Variants in TAFA1 observed in about 807,000 individuals in gnomAD.
TAFA1 encodes the protein TAFA chemokine like family member 1.
TAFA1 carries 4 observed loss-of-function variants against 18.5 expected under a neutral mutation model. That is an observed-to-expected ratio of 0.22 (90% CI 0.11 to 0.49). The LOEUF is 0.49. Among genes scored for constraint, TAFA1 ranks in the 20% least tolerant of loss-of-function variants. The probability of loss-of-function intolerance (pLI) is 0.98; values close to 1 mark genes in which losing one functional copy is unlikely to be tolerated. For missense variants in TAFA1, 147 were observed against 169.0 expected (o/e 0.87, Z 0.72); for synonymous variants, 56 against 55.2 (o/e 1.01, Z -0.06).
At position 68,285,332 on chromosome 3, in the gene TAFA1, T is replaced by G. The variant is rs531646040; in HGVS notation, c.119-131948T>G. Among the ~76,000 whole-genome samples, 3 of 152,158 alleles carry G rather than the reference T, an allele frequency of 2.0e-5. No individual in the cohort carries two copies. The South Asian group carries it at 6.2e-4, about 32-fold the overall frequency. Reference sequence around the variant, plus strand: ...GAGGGTGAAAGTGTTGTAAGTGTTGTAAATATTGATCTGGATGGTGCTTAT... The same window carrying G: ...GAGGGTGAAAGTGTTGTAAGTGTTGGAAATATTGATCTGGATGGTGCTTAT... On this transcript the variant is annotated intron_variant, in intron 2 of 4. Transcript: ENST00000478136.
At chr3:68,452,199 C>T (rs1015552924) in intron 3 of TAFA1, among the ~76,000 whole-genome samples, 23 of 152,076 alleles carry the variant, frequency 1.5e-4, no homozygotes, top group African/African-American at 5.6e-4. Context: ...TTTAAGGAGC[C>T]ACATTGCTTT....
intron 2 of TAFA1, among the ~76,000 whole-genome samples, chr3:68,158,049 G>C (rs1174018851): frequency 1.3e-5 from 2 of 152,194 alleles, no homozygotes; most frequent in East Asian, 3.9e-4. Flanking sequence ...AATCTGTGAT[G>C]AGGCTTCACC....
chr3:68,051,146 G>A (rs2064466680), intron 2 of TAFA1, among the ~76,000 whole-genome samples: 1 of 152,130 alleles, frequency 6.6e-6, no homozygotes, highest in Non-Finnish European at 1.5e-5. Context: ...GGCTCGTAGG[G>A]TTGTTGGAGG....
At chr3:68,464,637 A>G (rs1014055115) in intron 3 of TAFA1, among the ~76,000 whole-genome samples, 56 of 152,294 alleles carry the variant, frequency 3.7e-4, no homozygotes, top group African/African-American at 1.3e-3. Context: ...TCAAAACTGT[A>G]GATATTTTCA....
chr3:68,047,833 T>G (rs1168820737), intron 2 of TAFA1, among the ~76,000 whole-genome samples: 2 of 152,126 alleles, frequency 1.3e-5, no homozygotes, highest in African/African-American at 4.8e-5. Context: ...ATGATAGCTG[T>G]AGAGACTTCA....
intron 2 of TAFA1, among the ~76,000 whole-genome samples, chr3:68,151,836 G>GAAAC (rs2065810278): frequency 6.6e-6 from 1 of 152,108 alleles, no homozygotes; most frequent in Non-Finnish European, 1.5e-5. Flanking sequence ...TGCTTCCCCT[G>GAAAC]TTCTACACCA....
At chr3:68,170,469 A>C (rs1156523279) in intron 2 of TAFA1, among the ~76,000 whole-genome samples, 5 of 152,160 alleles carry the variant, frequency 3.3e-5, no homozygotes. Context: ...CAAGTGGCAC[A>C]AAAGGAGGCT....
At chr3:68,333,430 C>T (rs1246105846) in intron 2 of TAFA1, among the ~76,000 whole-genome samples, 1 of 152,026 alleles carries the variant, frequency 6.6e-6, no homozygotes, top group African/African-American at 2.4e-5. Context: ...GAGCTAAACA[C>T]AGTACATATG....
At chr3:68,109,311 T>C (rs2065238468) in intron 2 of TAFA1, among the ~76,000 whole-genome samples, 1 of 152,190 alleles carries the variant, frequency 6.6e-6, no homozygotes, top group South Asian at 2.1e-4. Context: ...GATCCAGTGC[T>C]GTGTGTTCTC....
chr3:68,167,455 T>C (rs1214618962), intron 2 of TAFA1, among the ~76,000 whole-genome samples: 2 of 151,842 alleles, frequency 1.3e-5, no homozygotes, highest in Non-Finnish European at 2.9e-5. Context: ...CGTGCGCCTG[T>C]AGTCCCAGCT....
intron 2 of TAFA1, among the ~76,000 whole-genome samples, chr3:68,173,168 A>G (rs564587420): frequency 1.3e-5 from 2 of 152,088 alleles, no homozygotes; most frequent in African/African-American, 4.8e-5. Context: ...AATGATTCCA[A>G]TTCCTACTCT....
the TAFA1 span, among the ~76,000 whole-genome samples, chr3:67,994,268 A>T: frequency 5.9e-5 from 9 of 152,212 alleles, no homozygotes; most frequent in African/African-American, 2.2e-4. Flanking sequence ...AGTTCAGTAG[A>T]ATGAGCAGTG....
chr3:68,162,885 G>A (rs939583545), intron 2 of TAFA1, among the ~76,000 whole-genome samples: 1 of 152,134 alleles, frequency 6.6e-6, no homozygotes, highest in African/African-American at 2.4e-5. Context: ...TAGATAAATT[G>A]GTTTGTGAAA....
At chr3:68,370,472 G>GTGTATATATATA (rs1248560447) in intron 2 of TAFA1, among the ~76,000 whole-genome samples, 4 of 33,044 alleles carry the variant, frequency 1.2e-4, no homozygotes, top group African/African-American at 2.6e-4. Flanking sequence ...GTGTGTGTGT[G>GTGTATATATATA]TATATATATA....
At chr3:68,503,240 G>A (rs2072690114) in intron 3 of TAFA1, among the ~76,000 whole-genome samples, 1 of 152,126 alleles carries the variant, frequency 6.6e-6, no homozygotes, top group South Asian at 2.1e-4. Flanking sequence ...CATAAAACAT[G>A]CGTAGGTTTT....
At chr3:67,991,999 T>C in the TAFA1 span, among the ~76,000 whole-genome samples, 1 of 152,212 alleles carries the variant, frequency 6.6e-6, no homozygotes, top group Non-Finnish European at 1.5e-5. Flanking sequence ...AAGCACATGG[T>C]AGCATTACTT....
At chr3:68,252,891 C>T (rs1353409452) in intron 2 of TAFA1, among the ~76,000 whole-genome samples, 3 of 152,122 alleles carry the variant, frequency 2.0e-5, no homozygotes, top group Non-Finnish European at 4.4e-5. Context: ...GTGCTGTTCT[C>T]ATGATAGTGA....
intron 2 of TAFA1, among the ~76,000 whole-genome samples, chr3:68,364,628 C>A (rs1446280084): frequency 6.6e-6 from 1 of 152,112 alleles, no homozygotes; most frequent in Non-Finnish European, 1.5e-5. Context: ...TCTAGGGAAA[C>A]TGAGATGTAT....
intron 3 of TAFA1, among the ~76,000 whole-genome samples, chr3:68,425,331 G>A (rs1191237492): frequency 6.6e-6 from 1 of 151,892 alleles, no homozygotes; most frequent in East Asian, 1.9e-4. Flanking sequence ...TACTGTCTCT[G>A]TTTGAAACTT....
Sources: allele counts gnomAD v4.1 joint callset (sites outside exome capture counted in the v4.1 genomes callset), GRCh38; gene constraint gnomAD v4.1.1; transcripts MANE v1.5; gene names NCBI Gene and HGNC (gene_info 2026-07-23, HGNC 2026-07-21).